BRD4: variants seen among roughly 807,000 people sequenced by gnomAD.
BRD4 encodes the protein bromodomain containing 4.
A neutral mutation model predicts 142.1 loss-of-function variants in BRD4; 16 were observed. The ratio of observed to expected loss-of-function variants is 0.11; its 90% confidence interval spans 0.08 to 0.17. The LOEUF is 0.17. Ranked by LOEUF, BRD4 falls within the 10% of genes least tolerant of loss-of-function variation. The pLI, the probability that BRD4 is intolerant of heterozygous loss-of-function variation, is 1.00. For missense variants in BRD4, 1,424 were observed against 1,810.9 expected, an observed-to-expected ratio of 0.79 and a Z score of 3.88; for synonymous variants, 833 against 707.5, an observed-to-expected ratio of 1.18 and a Z score of -2.82.
At chr19:15,318,895 G>T (rs1297214843) in intron 1 of BRD4, among the ~76,000 whole-genome samples, 1 of 152,222 alleles carries the variant, frequency 6.6e-6, no homozygotes, top group Non-Finnish European at 1.5e-5. Flanking sequence ...GGGCACAGGG[G>T]CCCTGGGAAG....
chr19:15,265,253 C>A, intron 5 of BRD4, 101 bp downstream of exon 5: 2 of 1,179,900 alleles, frequency 1.7e-6, no homozygotes, highest in Non-Finnish European at 2.3e-6. Flanking sequence ...GAAACACCCA[C>A]CAGTGCCCGG....
chr19:15,297,235 G>A (rs1279090079), intron 1 of BRD4, among the ~76,000 whole-genome samples: 1 of 152,150 alleles, frequency 6.6e-6, no homozygotes, highest in Non-Finnish European at 1.5e-5. Flanking sequence ...ACATAGCATG[G>A]CAGCCAGGCC....
At chr19:15,255,267 GAACC>G in intron 10 of BRD4, 26 bp downstream of exon 10, 1 of 1,594,176 alleles carries the variant, frequency 6.3e-7, no homozygotes, top group African/African-American at 1.3e-5. Flanking sequence ...CCCACAGAAG[GAACC>G]CCATGCCCAG....
At chr19:15,252,677 G>A (rs1319214598) in intron 11 of BRD4, among the ~76,000 whole-genome samples, 1 of 152,218 alleles carries the variant, frequency 6.6e-6, no homozygotes, top group East Asian at 1.9e-4. Context: ...GAGATGAAAG[G>A]GTGAAGGATG....
At chr19:15,302,017 A>C (rs770954656) in intron 1 of BRD4, among the ~76,000 whole-genome samples, 1 of 151,994 alleles carries the variant, frequency 6.6e-6, no homozygotes, top group Non-Finnish European at 1.5e-5. Context: ...AAATACAAAA[A>C]TCAGCTGGAC....
intron 1 of BRD4, among the ~76,000 whole-genome samples, chr19:15,312,848 T>C (rs147203742): frequency 1.2e-3 from 185 of 151,242 alleles, no homozygotes; most frequent in African/African-American, 4.3e-3. Context: ...GGCAAGAGAA[T>C]TGCTTAGAAG....
chr19:15,239,472 C>T lies in BRD4; in HGVS notation c.3496G>A (p.Glu1166Lys). Residue 1166 changes from glutamate to lysine, a missense_variant, in exon 17 of 20, where the codon GAG (glutamate) becomes AAG (lysine). By Grantham distance (56) the Glu-to-Lys change is moderately conservative. This residue lies in a region of BRD4 where 598 missense variants were observed against 647.8 expected (regional missense o/e 0.92). Coordinates refer to ENST00000679869, the MANE Select transcript of BRD4 (RefSeq NM_001379291.1). The surrounding 1 kb of genome is among the most constrained non-coding windows in gnomAD (Gnocchi z 7.4). ...GCCCCTGGTGGCGGTGCGTTCTGCTCTGGGGGCCGGATCACAGGCCTCCCG... is the reference window on the plus strand; with the variant it reads ...GCCCCTGGTGGCGGTGCGTTCTGCTTTGGGGGCCGGATCACAGGCCTCCCG... ...DVGRPVIRPP[E>K]QNAPPPGAPD... The T allele has an allele frequency of 1.2e-6, 2 of 1,614,102 alleles. No homozygotes were observed. Among genetic ancestry groups the T allele is most frequent in the Non-Finnish European group, 1.7e-6 (2 of 1,180,032 alleles).
Position 15,256,143 on chromosome 19 carries a change from C to G in BRD4, c.1672G>C (p.Glu558Gln). 1.9e-6 allele frequency: 3 copies of G among 1,611,878 alleles called. No homozygotes were observed. Among genetic ancestry groups the G allele is most frequent in the Non-Finnish European group, 2.5e-6 (3 of 1,179,778 alleles). ...TTGGCTTTGCTTTTTTTATTCTCTT[C>G]CACTTCCTCTTTCCTTTTGTGCTTT... is the stretch of plus-strand genomic sequence containing the variant. The part of the protein sequence containing the change: ...KEKHKRKEEV[E>Q]ENKKSKAKEP... The change falls in exon 9 of 20, where the codon GAA (glutamate) becomes CAA (glutamine). Residue 558 changes from glutamate to glutamine, a missense_variant. Physicochemically the swap from Glu to Gln is conservative, Grantham distance 29 (BLOSUM62 2). Transcript: ENST00000679869.
At chr19:15,303,335 G>A (rs2047887580) in intron 1 of BRD4, among the ~76,000 whole-genome samples, 1 of 152,124 alleles carries the variant, frequency 6.6e-6, no homozygotes, top group Non-Finnish European at 1.5e-5. Context: ...CTTCCTGGAG[G>A]ACCTTCCTTG....
chr19:15,262,198 C>G (rs1021080374), intron 7 of BRD4, among the ~76,000 whole-genome samples: 2 of 152,142 alleles, frequency 1.3e-5, no homozygotes, highest in Non-Finnish European at 2.9e-5. Context: ...CTGCCTGGCA[C>G]CGATCCACAG....
intron 1 of BRD4, among the ~76,000 whole-genome samples, chr19:15,293,300 G>A (rs1568401043): frequency 6.6e-6 from 1 of 152,152 alleles, no homozygotes. Flanking sequence ...GAAGTCCTAG[G>A]AGGGTGGCAC....
rs898569381 is a variant in BRD4 at position 15,237,087 on chromosome 19, G to A, written c.*1290C>T. 4.3e-5 allele frequency: 9 copies of A among 211,138 alleles called. No homozygotes were observed. The highest frequency in any genetic ancestry group is 7.6e-5 in the Non-Finnish European group (8 of 104,954). 13.1% of individuals were successfully genotyped at this position (211,138 alleles called of 1,614,324 possible). On this transcript the variant is annotated 3_prime_UTR_variant, in exon 20 of 20. Coordinates refer to ENST00000679869, the MANE Select transcript of BRD4 (RefSeq NM_001379291.1). ...TTGGGGCTGGGCGCCAGGTAGGGGAGTCTCTGCCTTAGTCTGTGGCGCCCC... is the reference window on the plus strand; with the variant it reads ...TTGGGGCTGGGCGCCAGGTAGGGGAATCTCTGCCTTAGTCTGTGGCGCCCC...
At chr19:15,280,983 T>C (rs2047699380) in intron 1 of BRD4, among the ~76,000 whole-genome samples, 1 of 152,250 alleles carries the variant, frequency 6.6e-6, no homozygotes, top group African/African-American at 2.4e-5. Context: ...GTTCCCCTCC[T>C]AGGTGCTAGA....
At chr19:15,323,048 T>TCAAA (rs201752233) in intron 1 of BRD4, among the ~76,000 whole-genome samples, 49 of 150,776 alleles carry the variant, frequency 3.2e-4, no homozygotes, top group Middle Eastern at 3.4e-3. Context: ...AGACTCTGCC[T>TCAAA]CAAACAAACA....
intron 1 of BRD4, among the ~76,000 whole-genome samples, chr19:15,296,668 T>A (rs2047825444): frequency 6.6e-6 from 1 of 152,124 alleles, no homozygotes; most frequent in Non-Finnish European, 1.5e-5. Context: ...CATCCCAAAG[T>A]GCAGTCTCCT....
chr19:15,240,067 T>C, intron 14 of BRD4, 45 bp from the exon 15 acceptor site: 1 of 1,561,882 alleles, frequency 6.4e-7, no homozygotes, highest in Non-Finnish European at 8.7e-7. Context: ...GGCTTAGAAC[T>C]GCTGGCCCTG....
intron 1 of BRD4, among the ~76,000 whole-genome samples, chr19:15,290,811 G>C (rs1370844292): frequency 6.6e-6 from 1 of 152,092 alleles, no homozygotes; most frequent in Admixed American, 6.5e-5. Context: ...CATAAACACA[G>C]GCTCCCTCAT....
rs2145602990 is a variant in BRD4, at chr19:15,265,411, A to G, written c.792T>C (p.Ala264=). 6.6e-7 allele frequency: 1 copy of G among 1,505,332 alleles called. No individual in the cohort carries two copies. The highest frequency in any genetic ancestry group is 1.5e-5 in the African/African-American group (1 of 65,828). The allele number at this position is 1,505,332 out of a possible 1,614,324, so 93.2% of individuals were successfully genotyped here. The change falls in exon 5 of 20, where the codon GCT becomes GCC. Residue 264 remains alanine, a synonymous_variant. Transcript: ENST00000679869. Reference sequence around the variant, plus strand: ...GTGGGTGGCTCTGTACGGGCTGGGGAGCTGGAGCGGGTGGGGGTTGTGGCT... The same window carrying G: ...GTGGGTGGCTCTGTACGGGCTGGGGGGCTGGAGCGGGTGGGGGTTGTGGCT... ...PPQPQPPPAP[A]PQPVQSHPPI... is the part of the protein sequence containing the mutation.
At chr19:15,240,091 G>A (rs1183021337) in intron 14 of BRD4, 69 bp from the exon 15 acceptor site, 9 of 1,531,958 alleles carry the variant, frequency 5.9e-6, no homozygotes, top group South Asian at 1.3e-5. Flanking sequence ...GAATTGTCGG[G>A]AAGGAAAACG....
Sources: gnomAD v4.1 joint callset for allele counts (sites outside exome capture counted in the v4.1 genomes callset) on GRCh38, gnomAD v4.1.1 for gene constraint, gnomAD v4.1.1 regional missense constraint, Gnocchi (gnomAD v3.1) non-coding constraint, MANE v1.5 for transcripts, NCBI Gene and HGNC (gene_info 2026-07-23, HGNC 2026-07-21) for gene names.